The following WWTR1 variants were observed in gnomAD, a reference collection of about 807,000 sequenced individuals.
WWTR1 encodes the protein WW domain-containing transcription regulator protein 1.
WWTR1 carries 13 observed loss-of-function variants against 40.1 expected under a neutral mutation model. That is an observed-to-expected ratio of 0.32 (90% CI 0.21 to 0.52). WWTR1 has a LOEUF of 0.52. Ranked by LOEUF, WWTR1 falls within the 20% of genes least tolerant of loss-of-function variation. The pLI is 0.97. For synonymous variants in WWTR1, 230 were observed against 210.1 expected, an observed-to-expected ratio of 1.09 and a Z score of -0.82; for missense variants, 436 against 523.1, an observed-to-expected ratio of 0.83 and a Z score of 1.63.
intron 1 of WWTR1, among the ~76,000 whole-genome samples, chr3:149,700,953 T>A (rs914965237): frequency 6.6e-5 from 10 of 152,194 alleles, no homozygotes; most frequent in Admixed American, 6.5e-4. Context: ...GTCTTTGCAG[T>A]CTTTCTACGG....
rs767583508 is a variant in WWTR1, at chr3:149,542,556, T to C, written c.569-19A>G. The C allele has an allele frequency of 5.6e-6, 9 of 1,595,790 alleles. No homozygotes were observed. Among genetic ancestry groups the C allele is most frequent in the East Asian group, 2.2e-5 (1 of 44,462 alleles). On this transcript the variant is annotated intron_variant, in intron 3 of 6. Transcript: ENST00000360632. ...TTCATCACTGCAAGAGGGAAGAACATACAGATTAATGACCAGGGCCCACAA... is the reference window on the plus strand; with the variant it reads ...TTCATCACTGCAAGAGGGAAGAACACACAGATTAATGACCAGGGCCCACAA...
At chr3:149,544,135 A>G (rs1736263145) in intron 3 of WWTR1, among the ~76,000 whole-genome samples, 1 of 152,004 alleles carries the variant, frequency 6.6e-6, no homozygotes, top group South Asian at 2.1e-4. Context: ...TTTACAAGTA[A>G]ATCTCCTTAA....
At chr3:149,653,297 G>A (rs1350901378) in intron 2 of WWTR1, among the ~76,000 whole-genome samples, 1 of 152,164 alleles carries the variant, frequency 6.6e-6, no homozygotes, top group Non-Finnish European at 1.5e-5. Context: ...AATGTGATCA[G>A]TATTCAGTCA....
intron 2 of WWTR1, among the ~76,000 whole-genome samples, chr3:149,587,322 T>C (rs1316293319): frequency 5.9e-5 from 9 of 152,188 alleles, no homozygotes; most frequent in Non-Finnish European, 1.2e-4. Flanking sequence ...TGATTTTTTT[T>C]TTCCCTTCAG....
intron 3 of WWTR1, among the ~76,000 whole-genome samples, chr3:149,554,315 G>A (rs145432485): frequency 1.3e-5 from 2 of 152,260 alleles, no homozygotes; most frequent in East Asian, 3.9e-4. Flanking sequence ...AAGCTTGCCA[G>A]ATGGGCCTCC....
intron 2 of WWTR1, among the ~76,000 whole-genome samples, chr3:149,591,223 T>A (rs1034835656): frequency 1.3e-5 from 2 of 152,114 alleles, no homozygotes; most frequent in African/African-American, 4.8e-5. Flanking sequence ...GAAGATAGAT[T>A]TGGAGATGCA....
chr3:149,526,380 T>G (rs1025007743), intron 5 of WWTR1, among the ~76,000 whole-genome samples: 1 of 151,694 alleles, frequency 6.6e-6, no homozygotes, highest in Non-Finnish European at 1.5e-5. Flanking sequence ...TTCTTCAACA[T>G]ACAGAGTATG....
At chr3:149,566,357 C>T (rs1223687733) in intron 3 of WWTR1, among the ~76,000 whole-genome samples, 5 of 152,180 alleles carry the variant, frequency 3.3e-5, no homozygotes, top group Non-Finnish European at 5.9e-5. Flanking sequence ...CAACACCCAA[C>T]ACTTCACTTC....
At chr3:149,548,469 T>A (rs1245612084) in intron 3 of WWTR1, among the ~76,000 whole-genome samples, 3 of 152,194 alleles carry the variant, frequency 2.0e-5, no homozygotes, top group African/African-American at 7.2e-5. Context: ...CCCTCATTTT[T>A]AAAATAGGTT....
intron 5 of WWTR1, among the ~76,000 whole-genome samples, chr3:149,716,626 T>C (rs1438723205): frequency 6.6e-6 from 1 of 152,166 alleles, no homozygotes; most frequent in Non-Finnish European, 1.5e-5. Context: ...CTTAGAATCA[T>C]TTACTTATTG....
At position 149,652,123 on chromosome 3, in the gene WWTR1, A is replaced by G. The variant is rs143341479; in HGVS notation, c.431+4753T>C. ...CTCCCAAAGTGCTGGGATTACAGGC[A>G]TGAGCCACTGCGCCCGGCCTTATGG... is the stretch of plus-strand genomic sequence containing the variant. On this transcript the variant is annotated intron_variant, in intron 2 of 6. Coordinates refer to ENST00000360632, the MANE Select transcript of WWTR1 (RefSeq NM_015472.6). 9.6e-3 allele frequency among the ~76,000 whole-genome samples: 1,446 copies of G among 150,896 alleles called. 16 individuals carry two copies. Among genetic ancestry groups the G allele is most frequent in the East Asian group, 0.036 (183 of 5,094 alleles).
At chr3:149,592,899 T>G (rs1189603245) in intron 2 of WWTR1, among the ~76,000 whole-genome samples, 1 of 152,118 alleles carries the variant, frequency 6.6e-6, no homozygotes, top group Non-Finnish European at 1.5e-5. Context: ...TGTTCAATCT[T>G]ACTTTCTAAC....
chr3:149,656,097 T>C (rs1327344825), intron 2 of WWTR1, among the ~76,000 whole-genome samples: 2 of 152,204 alleles, frequency 1.3e-5, no homozygotes, highest in Admixed American at 6.5e-5. Context: ...AACAACCTCC[T>C]CTAGTGTTTG....
intron 1 of WWTR1, among the ~76,000 whole-genome samples, chr3:149,690,915 A>T (rs1714803541): frequency 6.6e-6 from 1 of 152,224 alleles, no homozygotes; most frequent in Non-Finnish European, 1.5e-5. Flanking sequence ...TCACAATGGA[A>T]TAAAACGAGA....
intron 3 of WWTR1, among the ~76,000 whole-genome samples, chr3:149,567,640 G>A (rs1461376158): frequency 6.6e-6 from 1 of 152,200 alleles, no homozygotes; most frequent in Non-Finnish European, 1.5e-5. Flanking sequence ...GAGGAAAAAT[G>A]AGGCAACTGG....
At chr3:149,710,101 T>A (rs1245169964) in intron 5 of WWTR1, among the ~76,000 whole-genome samples, 1 of 152,160 alleles carries the variant, frequency 6.6e-6, no homozygotes. Flanking sequence ...AGACTCCCAG[T>A]GGCCATCAAG....
At chr3:149,715,741 G>C (rs1715593352) in intron 5 of WWTR1, among the ~76,000 whole-genome samples, 1 of 152,194 alleles carries the variant, frequency 6.6e-6, no homozygotes, top group South Asian at 2.1e-4. Flanking sequence ...ACCTCACATA[G>C]AGTTGGGATA....
At chr3:149,551,239 G>C (rs138557536) in intron 3 of WWTR1, among the ~76,000 whole-genome samples, 1 of 144,210 alleles carries the variant, frequency 6.9e-6, no homozygotes, top group Non-Finnish European at 1.5e-5. Flanking sequence ...AGGAGGTTGC[G>C]GTGAGCCAAG....
intron 5 of WWTR1, among the ~76,000 whole-genome samples, chr3:149,709,914 A>G (rs1216660749): frequency 6.6e-6 from 1 of 152,174 alleles, no homozygotes; most frequent in Admixed American, 6.5e-5. Flanking sequence ...CAAAAAAGAA[A>G]AGAAAAGAAA....
Sources: allele counts gnomAD v4.1 joint callset (sites outside exome capture counted in the v4.1 genomes callset), GRCh38; gene constraint gnomAD v4.1.1; transcripts MANE v1.5; gene names NCBI Gene and HGNC (gene_info 2026-07-23, HGNC 2026-07-21).